The following ADAMTSL1 variants were observed in gnomAD, a reference collection of about 807,000 sequenced individuals.
ADAMTSL1 encodes ADAMTS like 1.
ADAMTSL1 carries 126 observed loss-of-function variants against 201.8 expected under a neutral mutation model. That is an observed-to-expected ratio of 0.62 (90% confidence interval 0.54 to 0.72). The LOEUF (loss-of-function observed/expected upper bound fraction) is 0.72. Among genes scored for constraint, ADAMTSL1 ranks in the 30% least tolerant of loss-of-function variants. ADAMTSL1 has a pLI of 0.00. For synonymous variants in ADAMTSL1, 1,121 were observed against 903.4 expected (o/e 1.24, Z -4.32); for missense variants, 2,679 against 2,277.8 (o/e 1.18, Z -3.59).
chr9:18,574,535 T>C, intron 4 of ADAMTSL1: 1 of 576,416 alleles, frequency 1.7e-6, no homozygotes, highest in Admixed American at 3.1e-5. Context: ...GTTTATCAAT[T>C]ATGTACTAGA....
chr9:17,931,924 C>G (rs754110206), intron 1 of ADAMTSL1, among the ~76,000 whole-genome samples: 1 of 152,068 alleles, frequency 6.6e-6, no homozygotes, highest in African/African-American at 2.4e-5. Flanking sequence ...AATCATCTTC[C>G]CCTGTGTATT....
At chr9:18,717,590 A>T (rs1326695002) in intron 14 of ADAMTSL1, among the ~76,000 whole-genome samples, 1 of 152,146 alleles carries the variant, frequency 6.6e-6, no homozygotes, top group Non-Finnish European at 1.5e-5. Flanking sequence ...ATTATGGTAA[A>T]ATAGTGGTGC....
intron 2 of ADAMTSL1, among the ~76,000 whole-genome samples, chr9:18,237,477 A>G (rs983593060): frequency 5.3e-5 from 8 of 152,200 alleles, no homozygotes; most frequent in African/African-American, 1.7e-4. Flanking sequence ...CATTTTGAGA[A>G]GTGTTTTTGT....
At chr9:18,414,157 C>T (rs1818571617) in intron 2 of ADAMTSL1, among the ~76,000 whole-genome samples, 1 of 151,974 alleles carries the variant, frequency 6.6e-6, no homozygotes, top group African/African-American at 2.4e-5. Context: ...CATAAAATTT[C>T]ATCACTTAAT....
chr9:18,557,542 GGA>G (rs1190668093), intron 3 of ADAMTSL1, among the ~76,000 whole-genome samples: 1 of 151,948 alleles, frequency 6.6e-6, no homozygotes, highest in East Asian at 1.9e-4. Flanking sequence ...CGCCAGTAAA[GGA>G]GCATTGATTA....
chr9:18,722,946 G>T, intron 15 of ADAMTSL1: 1 of 743,714 alleles, frequency 1.3e-6, no homozygotes. Flanking sequence ...CAGCTCTCTA[G>T]TTGTTGAGCC....
chr9:18,592,942 T>C (rs779535427), intron 4 of ADAMTSL1, among the ~76,000 whole-genome samples: 3 of 152,170 alleles, frequency 2.0e-5, no homozygotes, highest in Non-Finnish European at 4.4e-5. Context: ...TTCACTTCTC[T>C]GGTTAATACC....
chr9:18,087,096 A>G (rs778483243), intron 1 of ADAMTSL1, among the ~76,000 whole-genome samples: 3 of 152,170 alleles, frequency 2.0e-5, no homozygotes, highest in Non-Finnish European at 4.4e-5. Flanking sequence ...AACTTGGGTT[A>G]GATAGCTACT....
intron 21 of ADAMTSL1, among the ~76,000 whole-genome samples, chr9:18,824,458 T>G (rs1824406605): frequency 6.6e-6 from 1 of 152,210 alleles, no homozygotes; most frequent in Non-Finnish European, 1.5e-5. Flanking sequence ...CCACCCACTT[T>G]CGGTAGCCCT....
chr9:18,430,378 C>T (rs545681709), intron 2 of ADAMTSL1, among the ~76,000 whole-genome samples: 1 of 152,286 alleles, frequency 6.6e-6, no homozygotes, highest in East Asian at 1.9e-4. Flanking sequence ...TTCAGCATTA[C>T]TCACTCTTTT....
At chr9:18,086,475 C>G (rs1823775633) in intron 1 of ADAMTSL1, among the ~76,000 whole-genome samples, 1 of 152,012 alleles carries the variant, frequency 6.6e-6, no homozygotes, top group South Asian at 2.1e-4. Context: ...CCTAAATCTG[C>G]TTTAAAGTTA....
intron 2 of ADAMTSL1, among the ~76,000 whole-genome samples, chr9:18,309,138 T>G: frequency 6.7e-6 from 1 of 150,260 alleles, no homozygotes; most frequent in East Asian, 1.9e-4. Context: ...ATTCAACACC[T>G]ATTCATGCTA....
chr9:18,398,406 T>C (rs1817834505), intron 2 of ADAMTSL1, among the ~76,000 whole-genome samples: 1 of 152,212 alleles, frequency 6.6e-6, no homozygotes, highest in East Asian at 1.9e-4. Context: ...TCTACTTTAG[T>C]CTAGATCAGA....
chr9:18,844,828 A>G (rs1288813321), intron 23 of ADAMTSL1, among the ~76,000 whole-genome samples: 6 of 152,222 alleles, frequency 3.9e-5, no homozygotes, highest in Non-Finnish European at 8.8e-5. Context: ...CTGTGGGCAT[A>G]GGACCCTCCG....
chr9:18,622,204 A>G, intron 4 of ADAMTSL1, 39 bp from the exon 5 acceptor site: 1 of 1,604,356 alleles, frequency 6.2e-7, no homozygotes, highest in Non-Finnish European at 8.5e-7. Context: ...TGCCATCGGT[A>G]GGTGCTTGGT....
chr9:18,571,165 C>G (rs1019873316), intron 3 of ADAMTSL1, among the ~76,000 whole-genome samples: 10 of 152,182 alleles, frequency 6.6e-5, no homozygotes, highest in African/African-American at 2.4e-4. Flanking sequence ...TATGTCTGTA[C>G]TAAGATGATA....
At chr9:18,628,738 A>G (rs1826554259) in intron 5 of ADAMTSL1, among the ~76,000 whole-genome samples, 1 of 152,186 alleles carries the variant, frequency 6.6e-6, no homozygotes, top group Admixed American at 6.6e-5. Flanking sequence ...CTGTTTACTT[A>G]GGTCTTATTT....
chr9:17,947,729 C>T (rs1402552972), intron 1 of ADAMTSL1, among the ~76,000 whole-genome samples: 2 of 152,100 alleles, frequency 1.3e-5, no homozygotes, highest in Admixed American at 1.3e-4. Context: ...CAACTGTTTG[C>T]AAATCTGTGC....
chr9:17,924,412 T>C (rs1285499891), intron 1 of ADAMTSL1, among the ~76,000 whole-genome samples: 1 of 152,164 alleles, frequency 6.6e-6, no homozygotes, highest in Non-Finnish European at 1.5e-5. Context: ...TTTATTTGCG[T>C]AGAGGTGTTT....
Sources: allele counts gnomAD v4.1 joint callset (sites outside exome capture counted in the v4.1 genomes callset), GRCh38; gene constraint gnomAD v4.1.1; transcripts MANE v1.5; gene names NCBI Gene and HGNC (gene_info 2026-07-23, HGNC 2026-07-21).